The following CADPS variants were observed in gnomAD, a reference collection of about 807,000 sequenced individuals.
The protein encoded by CADPS is calcium dependent secretion activator.
A neutral mutation model predicts 167.3 loss-of-function variants in CADPS; 57 were observed. That is an observed-to-expected ratio of 0.34 (90% CI 0.28 to 0.42). The LOEUF (loss-of-function observed/expected upper bound fraction) is 0.42. Among genes scored for constraint, CADPS ranks in the 20% least tolerant of loss-of-function variants. The probability of loss-of-function intolerance (pLI) is 1.00; values close to 1 mark genes in which losing one functional copy is unlikely to be tolerated. For synonymous variants in CADPS, 676 were observed against 635.3 expected, an observed-to-expected ratio of 1.06 and a Z score of -0.96; for missense variants, 1,414 against 1,738.1, an observed-to-expected ratio of 0.81 and a Z score of 3.32.
At chr3:62,470,941 G>C (rs921086260) in intron 24 of CADPS, among the ~76,000 whole-genome samples, 1 of 152,116 alleles carries the variant, frequency 6.6e-6, no homozygotes, top group African/African-American at 2.4e-5. Flanking sequence ...AGTATGGGTA[G>C]TCTTTTCTAC....
chr3:62,528,980 G>A lies in CADPS; in HGVS notation c.2291+3891C>T, dbSNP rs1456225566. ...TCGAGACCAGCCTGGCCAACATGGTGAAACCCTCTCTCTACTAAAAATACA... is the reference window on the plus strand; with the variant it reads ...TCGAGACCAGCCTGGCCAACATGGTAAAACCCTCTCTCTACTAAAAATACA... On this transcript the variant is annotated intron_variant, in intron 13 of 29. Transcript: ENST00000383710. 3.9e-5 allele frequency among the ~76,000 whole-genome samples: 6 copies of A among 152,098 alleles called. No individual in the cohort carries two copies. In the East Asian group the frequency reaches 9.7e-4, roughly 24 times the overall value.
At chr3:62,775,321 G>A (rs995799518) in intron 1 of CADPS, among the ~76,000 whole-genome samples, 3 of 152,078 alleles carry the variant, frequency 2.0e-5, no homozygotes, top group Admixed American at 6.5e-5. Context: ...TGAGAGTGCT[G>A]GGATTACAGG....
chr3:62,525,261 T>G (rs1016882523), intron 13 of CADPS, among the ~76,000 whole-genome samples: 9 of 152,068 alleles, frequency 5.9e-5, no homozygotes, highest in Non-Finnish European at 1.0e-4. Flanking sequence ...GAGAGTCACG[T>G]GGGTTAAAAG....
chr3:62,744,351 A>G (rs1217129751), intron 3 of CADPS, among the ~76,000 whole-genome samples: 1 of 149,738 alleles, frequency 6.7e-6, no homozygotes, highest in African/African-American at 2.4e-5. Flanking sequence ...TATTTTATTC[A>G]TATTTTCAAA....
Position 62,584,171 on chromosome 3 carries a change from A to T in CADPS, c.1577+1014T>A, listed in dbSNP as rs543289359. 9.2e-5 allele frequency among the ~76,000 whole-genome samples: 14 copies of T among 151,832 alleles called. 1 individual carries two copies. In the South Asian group the frequency reaches 2.9e-3, roughly 32 times the overall value. On this transcript the variant is annotated intron_variant, in intron 8 of 29. Transcript: ENST00000383710. Reference sequence around the variant, plus strand: ...AGGTGCCCACCACCATGCCCAGCTAATTTTTTTGTATTTTTAGTAGAGATG... The same window carrying T: ...AGGTGCCCACCACCATGCCCAGCTATTTTTTTTGTATTTTTAGTAGAGATG...
At chr3:62,644,711 C>T (rs192042411) in intron 6 of CADPS, among the ~76,000 whole-genome samples, 1 of 152,288 alleles carries the variant, frequency 6.6e-6, no homozygotes, top group Non-Finnish European at 1.5e-5. Context: ...AAGCTGTTTA[C>T]TCTGCCTAGA....
chr3:62,846,061 C>G (rs1224431088), intron 1 of CADPS, among the ~76,000 whole-genome samples: 2 of 94,684 alleles, frequency 2.1e-5, no homozygotes, highest in Non-Finnish European at 5.2e-5. Flanking sequence ...TTTGCTCTCT[C>G]TCTCTCTCTC....
intron 10 of CADPS, among the ~76,000 whole-genome samples, chr3:62,550,555 TG>T (rs964186530): frequency 1.7e-4 from 26 of 152,266 alleles, no homozygotes; most frequent in African/African-American, 5.5e-4. Context: ...ACGAACCCCC[TG>T]GGCATGTTGT....
intron 1 of CADPS, among the ~76,000 whole-genome samples, chr3:62,867,308 T>G (rs1001805693): frequency 4.6e-5 from 7 of 152,030 alleles, no homozygotes; most frequent in African/African-American, 1.7e-4. Context: ...GATCCCATCA[T>G]TTACCAATTG....
chr3:62,401,526 G>A (rs1706135113), intron 29 of CADPS, among the ~76,000 whole-genome samples: 1 of 152,216 alleles, frequency 6.6e-6, no homozygotes, highest in African/African-American at 2.4e-5. Context: ...TGAAGTGGCT[G>A]TTGATGCAAG....
intron 1 of CADPS, among the ~76,000 whole-genome samples, chr3:62,811,292 TA>T (rs902881308): frequency 2.1e-3 from 311 of 147,028 alleles, no homozygotes; most frequent in African/African-American, 5.9e-3. Flanking sequence ...GCCAATCTTA[TA>T]AAAAAAAAAA....
At chr3:62,528,882 G>A (rs1446361443) in intron 13 of CADPS, among the ~76,000 whole-genome samples, 2 of 152,178 alleles carry the variant, frequency 1.3e-5, no homozygotes, top group South Asian at 2.1e-4. Flanking sequence ...TTTGTGGCTG[G>A]GCGCGGTGGC....
intron 1 of CADPS, among the ~76,000 whole-genome samples, chr3:62,816,360 A>G (rs575963441): frequency 6.6e-6 from 1 of 152,234 alleles, no homozygotes; most frequent in African/African-American, 2.4e-5. Flanking sequence ...CTGATCCTCA[A>G]ATAAATTTGT....
intron 11 of CADPS, among the ~76,000 whole-genome samples, chr3:62,545,987 T>C (rs908456713): frequency 6.6e-6 from 1 of 152,150 alleles, no homozygotes; most frequent in Non-Finnish European, 1.5e-5. Context: ...TTCTTAAAAA[T>C]TATTCACTAG....
At chr3:62,480,853 G>T (rs780955237) in intron 22 of CADPS, among the ~76,000 whole-genome samples, 1 of 152,172 alleles carries the variant, frequency 6.6e-6, no homozygotes, top group Non-Finnish European at 1.5e-5. Context: ...CCCTGAGGTA[G>T]AATTTAGGGG....
intron 28 of CADPS, among the ~76,000 whole-genome samples, chr3:62,430,683 C>A (rs1006036474): frequency 6.6e-6 from 1 of 152,054 alleles, no homozygotes; most frequent in Non-Finnish European, 1.5e-5. Flanking sequence ...CACATACACA[C>A]ACACCCTATT....
At chr3:62,480,210 G>T (rs2150795848) in intron 22 of CADPS, among the ~76,000 whole-genome samples, 1 of 152,266 alleles carries the variant, frequency 6.6e-6, no homozygotes, top group Non-Finnish European at 1.5e-5. Flanking sequence ...TCCCACTCAT[G>T]CCTTAATTAA....
At chr3:62,725,317 A>G (rs535203318) in intron 3 of CADPS, among the ~76,000 whole-genome samples, 1 of 152,252 alleles carries the variant, frequency 6.6e-6, no homozygotes, top group Non-Finnish European at 1.5e-5. Flanking sequence ...AATTTTAATT[A>G]AAGTTGGATT....
At chr3:62,418,437 G>A (rs1355965818) in intron 28 of CADPS, among the ~76,000 whole-genome samples, 1 of 140,306 alleles carries the variant, frequency 7.1e-6, no homozygotes, top group Non-Finnish European at 1.5e-5. Context: ...TGATCCTCCT[G>A]CCTCAGCACC....
Sources: allele counts gnomAD v4.1 joint callset (sites outside exome capture counted in the v4.1 genomes callset), GRCh38; gene constraint gnomAD v4.1.1; transcripts MANE v1.5; gene names NCBI Gene and HGNC (gene_info 2026-07-23, HGNC 2026-07-21).